Variants in GPD2 observed in about 807,000 individuals in gnomAD.
GPD2 encodes glycerol-3-phosphate dehydrogenase, mitochondrial.
A neutral mutation model predicts 82.4 loss-of-function variants in GPD2; 54 were observed. The ratio of observed to expected loss-of-function variants is 0.66; its 90% confidence interval spans 0.53 to 0.82. The LOEUF (loss-of-function observed/expected upper bound fraction) is 0.82, where lower values mean the gene tolerates loss of function less well. Ranked by LOEUF, GPD2 falls within the 40% of genes least tolerant of loss-of-function variation. The pLI is 0.00. For missense variants in GPD2, 748 were observed against 896.2 expected (o/e 0.83, Z 2.11); for synonymous variants, 288 against 306.1 (o/e 0.94, Z 0.62).
rs192157155 is a variant in GPD2, at chr2:156,536,494, G to A, written c.662-13114G>A. Among the ~76,000 whole-genome samples, 195 of 152,304 alleles carry A rather than the reference G, an allele frequency of 1.3e-3. 1 individual carries two copies. The highest frequency in any genetic ancestry group is 4.3e-3 in the African/African-American group (178 of 41,578). ...TCAGCTACGATATTGATTGAAAATC[G>A]ATGAGTAACTCTTATTCTTGTTTTC... On this transcript the variant is annotated intron_variant, in intron 6 of 16. Transcript: ENST00000438166.
At chr2:156,568,471 G>A (rs1377654743) in intron 9 of GPD2, among the ~76,000 whole-genome samples, 1 of 152,094 alleles carries the variant, frequency 6.6e-6, no homozygotes, top group Non-Finnish European at 1.5e-5. Flanking sequence ...TGCATCGTTA[G>A]CATTGGTTTT....
Position 156,550,639 on chromosome 2 carries a change from T to C in GPD2, c.864T>C (p.Asn288=). ...ACGTGAGAGCCAAATGTGTTATCAA[T>C]GCCACGGGACCTTTCACGGACTCTG... ...EFDVRAKCVI[N]ATGPFTDSVR... is the part of the protein sequence containing the mutation. Residue 288 remains asparagine, a synonymous_variant, in exon 8 of 17, where the codon AAT becomes AAC. Transcript: ENST00000438166. The C allele has an allele frequency of 6.2e-7, 1 of 1,614,090 alleles. No individual in the cohort carries two copies.
intron 9 of GPD2, among the ~76,000 whole-genome samples, chr2:156,562,588 C>T (rs1206377741): frequency 1.3e-5 from 2 of 151,970 alleles, no homozygotes; most frequent in African/African-American, 2.4e-5. Context: ...AAAAAAACCC[C>T]CAAAACATAT....
intron 1 of GPD2, among the ~76,000 whole-genome samples, chr2:156,463,835 C>A (rs373780479): frequency 7.9e-5 from 12 of 152,192 alleles, no homozygotes; most frequent in African/African-American, 2.9e-4. Flanking sequence ...CCTTTATTTT[C>A]TCTATTTATG....
chr2:156,573,987 T>C (rs1398925162), intron 13 of GPD2, among the ~76,000 whole-genome samples: 2 of 152,214 alleles, frequency 1.3e-5, no homozygotes, highest in Non-Finnish European at 2.9e-5. Context: ...CCAAATATTT[T>C]AGGAGAATAC....
intron 3 of GPD2, among the ~76,000 whole-genome samples, chr2:156,497,846 A>G (rs1344317411): frequency 6.6e-6 from 1 of 152,216 alleles, no homozygotes; most frequent in Non-Finnish European, 1.5e-5. Context: ...CAACCATGAA[A>G]TATAATTTGA....
chr2:156,558,411 A>T (rs1573999298), intron 9 of GPD2, among the ~76,000 whole-genome samples: 1 of 152,106 alleles, frequency 6.6e-6, no homozygotes, highest in South Asian at 2.1e-4. Context: ...GAACAGTTGC[A>T]TTGGCCCCAC....
the GPD2 span, among the ~76,000 whole-genome samples, chr2:156,419,837 T>G: frequency 6.6e-6 from 1 of 152,218 alleles, no homozygotes; most frequent in Non-Finnish European, 1.5e-5. Context: ...GCTAATCCTG[T>G]TTTTCTTAAC....
At chr2:156,505,753 T>C (rs1353062751) in intron 3 of GPD2, among the ~76,000 whole-genome samples, 1 of 152,192 alleles carries the variant, frequency 6.6e-6, no homozygotes, top group Admixed American at 6.5e-5. Context: ...TTAATTATTT[T>C]ACCTAAGAAC....
intron 6 of GPD2, among the ~76,000 whole-genome samples, chr2:156,531,725 T>C (rs1685867531): frequency 6.6e-6 from 1 of 152,170 alleles, no homozygotes; most frequent in Admixed American, 6.5e-5. Flanking sequence ...GACACTGCCC[T>C]TCTCAGTCCC....
At chr2:156,526,806 T>C (rs1685626380) in intron 6 of GPD2, among the ~76,000 whole-genome samples, 1 of 152,006 alleles carries the variant, frequency 6.6e-6, no homozygotes, top group East Asian at 1.9e-4. Flanking sequence ...GAGGAGGAAA[T>C]AACTGACATT....
intron 1 of GPD2, among the ~76,000 whole-genome samples, chr2:156,463,639 C>G (rs1683060108): frequency 6.6e-6 from 1 of 152,138 alleles, no homozygotes; most frequent in Non-Finnish European, 1.5e-5. Flanking sequence ...AATCGCAGAG[C>G]AAGTTAGTGG....
chr2:156,453,377 T>C (rs148350919), intron 1 of GPD2, among the ~76,000 whole-genome samples: 2,425 of 152,274 alleles, frequency 0.016, 25 homozygotes, highest in Non-Finnish European at 0.025. Flanking sequence ...AAGGGCCAGA[T>C]AATGCCAAGA....
the GPD2 span, among the ~76,000 whole-genome samples, chr2:156,412,970 G>A: frequency 6.6e-6 from 1 of 151,998 alleles, no homozygotes; most frequent in Non-Finnish European, 1.5e-5. Flanking sequence ...GATGGTGTGT[G>A]TCTGTAGTCC....
chr2:156,549,625 C>G lies in GPD2; in HGVS notation c.679C>G (p.Arg227Gly). The G allele has an allele frequency of 6.2e-7, 1 of 1,614,000 alleles. No homozygotes were observed. Among genetic ancestry groups the G allele is most frequent in the Non-Finnish European group, 8.5e-7 (1 of 1,179,894 alleles). ...VYYDGQHNDA[R>G]MNLAIALTAA... is the part of the protein sequence containing the mutation. ...CGCTGCAGGACAACATAACGATGCACGGATGAACCTTGCCATTGCTCTGAC... is the reference window on the plus strand; with the variant it reads ...CGCTGCAGGACAACATAACGATGCAGGGATGAACCTTGCCATTGCTCTGAC... Residue 227 changes from arginine to glycine, a missense_variant, in exon 7 of 17, where the codon CGG becomes GGG. Transcript: ENST00000438166.
At chr2:156,507,309 C>T (rs1319843230) in intron 3 of GPD2, among the ~76,000 whole-genome samples, 1 of 131,134 alleles carries the variant, frequency 7.6e-6, no homozygotes, top group Non-Finnish European at 1.6e-5. Flanking sequence ...TGCCCAGCCA[C>T]TTTTTCTTTT....
At chr2:156,504,690 A>G (rs185526912) in intron 3 of GPD2, among the ~76,000 whole-genome samples, 18 of 152,186 alleles carry the variant, frequency 1.2e-4, no homozygotes, top group African/African-American at 4.3e-4. Flanking sequence ...AAATATTCAA[A>G]AATAAGAAAT....
At chr2:156,479,076 T>C (rs1350178299) in intron 2 of GPD2, among the ~76,000 whole-genome samples, 1 of 152,212 alleles carries the variant, frequency 6.6e-6, no homozygotes, top group Non-Finnish European at 1.5e-5. Context: ...ATGGATTGAA[T>C]ATAAAAGTTG....
At position 156,583,448 on chromosome 2, in the gene GPD2, A is replaced by G. The variant is rs925819021; in HGVS notation, c.*530A>G. 3 of 166,934 alleles carry G rather than the reference A, an allele frequency of 1.8e-5. No individual in the cohort carries two copies. The highest frequency in any genetic ancestry group is 5.7e-5 in the Admixed American group (1 of 17,452). 10.3% of individuals were successfully genotyped at this position (166,934 alleles called of 1,614,324 possible). A position where few individuals can be genotyped will look rare whatever the true frequency, so the allele number is the denominator to read the frequency against. On this transcript the variant is annotated 3_prime_UTR_variant, in exon 17 of 17. Transcript: ENST00000438166. ...AGATTTCTCAGCCCCATCTTCCTCC[A>G]GCTTGTCTACCTTCCTCATGCAAAC...
Sources: allele counts gnomAD v4.1 joint callset (sites outside exome capture counted in the v4.1 genomes callset), GRCh38; gene constraint gnomAD v4.1.1; transcripts MANE v1.5; gene names NCBI Gene and HGNC (gene_info 2026-07-23, HGNC 2026-07-21).